FRMD4A: variants seen among roughly 807,000 people sequenced by gnomAD.
The protein encoded by FRMD4A is FERM domain containing 4A, also known as FERM domain-containing protein 4A.
FRMD4A carries 29 observed loss-of-function variants against 129.1 expected under a neutral mutation model. The observed-to-expected ratio is 0.22, with a 90% CI of 0.17 to 0.31. The LOEUF is 0.31. Ranked by LOEUF, FRMD4A falls within the 10% of genes least tolerant of loss-of-function variation. FRMD4A has a pLI of 1.00. For missense variants in FRMD4A, 1,272 were observed against 1,375.8 expected (o/e 0.92, Z 1.19); for synonymous variants, 634 against 571.6 (o/e 1.11, Z -1.56).
At chr10:13,906,070 C>A (rs2094879339) in intron 2 of FRMD4A, among the ~76,000 whole-genome samples, 1 of 152,192 alleles carries the variant, frequency 6.6e-6, no homozygotes, top group African/African-American at 2.4e-5. Context: ...ATAGGCTGAG[C>A]CTCTGCAGCC....
chr10:13,796,314 ACACCCTG>A (rs2093117389), intron 5 of FRMD4A, among the ~76,000 whole-genome samples, 175 bp downstream of exon 5: 1 of 152,192 alleles, frequency 6.6e-6, no homozygotes, highest in Non-Finnish European at 1.5e-5. Flanking sequence ...ACTCACAGGC[ACACCCTG>A]CACCCTCGCA....
chr10:14,069,515 G>A (rs1309415036), intron 2 of FRMD4A, among the ~76,000 whole-genome samples: 1 of 152,122 alleles, frequency 6.6e-6, no homozygotes, highest in African/African-American at 2.4e-5. Flanking sequence ...CTGCTCTGGG[G>A]AGCCATGAAG....
At chr10:13,697,598 T>C (rs1206431962) in intron 14 of FRMD4A, among the ~76,000 whole-genome samples, 1 of 151,982 alleles carries the variant, frequency 6.6e-6, no homozygotes, top group Non-Finnish European at 1.5e-5. Flanking sequence ...TCTGGAACAT[T>C]TTGGTCTGGG....
intron 2 of FRMD4A, among the ~76,000 whole-genome samples, chr10:14,201,048 C>T (rs1236901829): frequency 6.6e-6 from 1 of 152,188 alleles, no homozygotes; most frequent in African/African-American, 2.4e-5. Context: ...CCTTGGACAC[C>T]AGCCCTAGCT....
At chr10:13,867,829 A>C (rs1176614345) in intron 2 of FRMD4A, among the ~76,000 whole-genome samples, 1 of 138,232 alleles carries the variant, frequency 7.2e-6, no homozygotes, top group African/African-American at 2.7e-5. Context: ...ATAATATATA[A>C]TATATAATAA....
chr10:14,316,524 A>AAAGAAG (rs1554808602), intron 2 of FRMD4A, among the ~76,000 whole-genome samples: 7 of 132,660 alleles, frequency 5.3e-5, no homozygotes, highest in Non-Finnish European at 8.1e-5. Flanking sequence ...AAAAAAAAAA[A>AAAGAAG]AAGAAGAAGA....
chr10:13,779,114 C>T lies in FRMD4A; in HGVS notation c.384+3808G>A, dbSNP rs184852472. On this transcript the variant is annotated intron_variant, in intron 6 of 24. Coordinates refer to ENST00000357447, the MANE Select transcript of FRMD4A (RefSeq NM_018027.5). Reference sequence around the variant, plus strand: ...TGGGTGGATCATGAGGTCAGGCGTTCGAGACCGGCCTGACTAACACGGTGA... The same window carrying T: ...TGGGTGGATCATGAGGTCAGGCGTTTGAGACCGGCCTGACTAACACGGTGA... Among the ~76,000 whole-genome samples the T allele has an allele frequency of 2.7e-3, 413 of 152,130 alleles. 1 individual carries two copies. The highest frequency in any genetic ancestry group is 4.5e-3 in the Non-Finnish European group (304 of 67,998).
intron 2 of FRMD4A, among the ~76,000 whole-genome samples, chr10:14,084,426 C>T (rs1380227798): frequency 6.6e-6 from 1 of 152,192 alleles, no homozygotes; most frequent in African/African-American, 2.4e-5. Flanking sequence ...GGATTACAGG[C>T]GTGAGCCACT....
chr10:14,261,131 T>C (rs1844786165), intron 2 of FRMD4A, among the ~76,000 whole-genome samples: 1 of 152,186 alleles, frequency 6.6e-6, no homozygotes, highest in Non-Finnish European at 1.5e-5. Context: ...TTGATCCAGG[T>C]AGTACCCAAT....
chr10:14,114,945 G>C (rs1838120644), intron 2 of FRMD4A, among the ~76,000 whole-genome samples: 1 of 152,172 alleles, frequency 6.6e-6, no homozygotes, highest in Non-Finnish European at 1.5e-5. Flanking sequence ...TGTGGGAGAA[G>C]GTACTGAAGT....
At chr10:13,665,533 G>A (rs369877978) in intron 18 of FRMD4A, among the ~76,000 whole-genome samples, 2 of 152,152 alleles carry the variant, frequency 1.3e-5, no homozygotes, top group African/African-American at 4.8e-5. Flanking sequence ...TTTCCTTCTA[G>A]AATTTACCAA....
At chr10:14,168,129 C>T (rs1192856538) in intron 2 of FRMD4A, among the ~76,000 whole-genome samples, 3 of 152,118 alleles carry the variant, frequency 2.0e-5, no homozygotes, top group Non-Finnish European at 2.9e-5. Flanking sequence ...TGGGTGAGGG[C>T]TAGCTCATGA....
At chr10:14,030,350 T>C (rs1373571890) in intron 2 of FRMD4A, among the ~76,000 whole-genome samples, 1 of 152,258 alleles carries the variant, frequency 6.6e-6, no homozygotes, top group East Asian at 1.9e-4. Flanking sequence ...CTGGTGATTA[T>C]TTCACAATGT....
At chr10:14,255,896 C>T (rs941413810) in intron 2 of FRMD4A, among the ~76,000 whole-genome samples, 1 of 151,518 alleles carries the variant, frequency 6.6e-6, no homozygotes, top group Admixed American at 6.6e-5. Context: ...ATCTCAGCTA[C>T]TCAGGAGGCT....
intron 2 of FRMD4A, among the ~76,000 whole-genome samples, chr10:14,209,732 A>AC (rs1361586760): frequency 1.3e-5 from 2 of 151,484 alleles, no homozygotes; most frequent in African/African-American, 4.9e-5. Flanking sequence ...AAAAAAAAAA[A>AC]AAAAATAGCT....
chr10:13,670,630 C>T lies in FRMD4A; in HGVS notation c.1252-102G>A, dbSNP rs1417536688. 4.0e-5 allele frequency: 46 copies of T among 1,162,266 alleles called. No homozygotes were observed. In the Middle Eastern group the frequency reaches 9.5e-4, roughly 24 times the overall value. 72.0% of individuals were successfully genotyped at this position (1,162,266 alleles called of 1,614,324 possible). A position where few individuals can be genotyped will look rare whatever the true frequency, so the allele number is the denominator to read the frequency against. Reference sequence around the variant, plus strand: ...GCACATACACGCACACAAAAATGCACGCATGCACTTCGATACAGGTCAACG... The same window carrying T: ...GCACATACACGCACACAAAAATGCATGCATGCACTTCGATACAGGTCAACG... On this transcript the variant is annotated intron_variant, in intron 16 of 24. Transcript: ENST00000357447.
At position 13,929,787 on chromosome 10, in the gene FRMD4A, C is replaced by CTGT. The variant is rs139312242; in HGVS notation, c.46-70878_46-70876dup. Among the ~76,000 whole-genome samples, 1,456 of 152,268 alleles carry CTGT rather than the reference C, an allele frequency of 9.6e-3. 92 individuals are homozygous for CTGT. In the East Asian group the frequency reaches 0.17, roughly 18 times the overall value. ...TAGAGATGGGATCTGCGGTCAGAGT[C>CTGT]TGTTGTGAGTTTGAATCTTAGCTGT... On this transcript the variant is annotated intron_variant, in intron 2 of 24. Transcript: ENST00000357447.
chr10:14,035,005 T>C (rs1833428646), intron 2 of FRMD4A, among the ~76,000 whole-genome samples: 1 of 152,154 alleles, frequency 6.6e-6, no homozygotes, highest in South Asian at 2.1e-4. Flanking sequence ...CTTAACTAGA[T>C]GAGGGTTTCC....
At position 13,646,687 on chromosome 10, in the gene FRMD4A, G is replaced by A. The variant is rs546697113; in HGVS notation, c.*351C>T. 1.3e-5 allele frequency: 2 copies of A among 152,906 alleles called. No homozygotes were observed. The highest frequency in any genetic ancestry group is 4.8e-5 in the African/African-American group (2 of 41,572). 9.5% of individuals were successfully genotyped at this position (152,906 alleles called of 1,614,324 possible). A position where few individuals can be genotyped will look rare whatever the true frequency, so the allele number is the denominator to read the frequency against. On this transcript the variant is annotated 3_prime_UTR_variant, in exon 25 of 25. Transcript: ENST00000357447. ...GTCATGGCAGAGGGAAGCCACCAAGGTGCCATTGAGGATTGGTGTCTGGCT... is the reference window on the plus strand; with the variant it reads ...GTCATGGCAGAGGGAAGCCACCAAGATGCCATTGAGGATTGGTGTCTGGCT...
Sources: gnomAD v4.1 joint callset for allele counts (sites outside exome capture counted in the v4.1 genomes callset) on GRCh38, gnomAD v4.1.1 for gene constraint, MANE v1.5 for transcripts, NCBI Gene and HGNC (gene_info 2026-07-23, HGNC 2026-07-21) for gene names.